MYO16: variants seen among roughly 807,000 people sequenced by gnomAD.
MYO16 encodes the protein unconventional myosin-XVI.
In MYO16, 94 loss-of-function variants were observed where a neutral mutation model predicts 205.3. That is an observed-to-expected ratio of 0.46 (90% CI 0.39 to 0.54). The LOEUF is 0.54. Among genes scored for constraint, MYO16 ranks in the 20% least tolerant of loss-of-function variants. The probability of loss-of-function intolerance (pLI) is 0.00; values close to 1 mark genes in which losing one functional copy is unlikely to be tolerated. For synonymous variants in MYO16, 988 were observed against 954.0 expected, an observed-to-expected ratio of 1.04 and a Z score of -0.66; for missense variants, 2,315 against 2,387.5, an observed-to-expected ratio of 0.97 and a Z score of 0.63.
the MYO16 span, among the ~76,000 whole-genome samples, chr13:108,587,057 G>A: frequency 6.6e-6 from 1 of 152,196 alleles, no homozygotes; most frequent in South Asian, 2.1e-4. Context: ...GGGTGCTGCA[G>A]CTGAGGAGAT....
intron 16 of MYO16, among the ~76,000 whole-genome samples, chr13:108,948,815 A>G (rs1235933632): frequency 6.6e-6 from 1 of 152,238 alleles, no homozygotes; most frequent in African/African-American, 2.4e-5. Flanking sequence ...CTCAGGTGAC[A>G]CAAGAAACTT....
chr13:108,727,812 C>T (rs1028297210), intron 4 of MYO16, among the ~76,000 whole-genome samples: 4 of 152,198 alleles, frequency 2.6e-5, no homozygotes, highest in African/African-American at 9.6e-5. Context: ...TCTTGCCTTT[C>T]CTTGGGAATT....
At chr13:108,818,833 A>G (rs912546210) in intron 7 of MYO16, among the ~76,000 whole-genome samples, 7 of 152,344 alleles carry the variant, frequency 4.6e-5, no homozygotes, top group Admixed American at 3.3e-4. Flanking sequence ...TTTAAAAAGC[A>G]TAATATAAAA....
Position 108,811,304 on chromosome 13 carries a change from G to A in MYO16, c.867+4500G>A, listed in dbSNP as rs367633239. Among the ~76,000 whole-genome samples, 32 of 152,012 alleles carry A rather than the reference G, an allele frequency of 2.1e-4. No homozygotes were observed. In the East Asian group the frequency reaches 4.3e-3, roughly 20 times the overall value. ...TGATTTATTTCTTCTTTGCTTTGGG[G>A]AAAACAGTCTGGTTATGCCCCTACC... On this transcript the variant is annotated intron_variant, in intron 7 of 34. Coordinates refer to ENST00000457511, the MANE Select transcript of MYO16 (RefSeq NM_001198950.3).
At chr13:108,779,807 C>T (rs751725573) in intron 4 of MYO16, 1 of 152,234 alleles carries the variant, frequency 6.6e-6, no homozygotes, top group Non-Finnish European at 1.5e-5. Flanking sequence ...CCCTCCAGGG[C>T]CCTCTACTGA....
intron 34 of MYO16, among the ~76,000 whole-genome samples, chr13:109,193,083 C>T (rs1383678788): frequency 6.6e-6 from 1 of 151,996 alleles, no homozygotes; most frequent in African/African-American, 2.4e-5. Flanking sequence ...GGTGCTCCAC[C>T]AAGCCACACT....
chr13:108,755,752 A>C lies in MYO16; in HGVS notation c.507+28169A>C, dbSNP rs534872702. On this transcript the variant is annotated intron_variant, in intron 4 of 34. Coordinates refer to ENST00000457511, the MANE Select transcript of MYO16 (RefSeq NM_001198950.3). ...TATGATTGCCAACATATTTTTACTT[A>C]AGTTACTATGTGAAGTGGTTTGTGG... Among the ~76,000 whole-genome samples the C allele has an allele frequency of 3.3e-5, 5 of 152,170 alleles. No individual in the cohort carries two copies. In the South Asian group the frequency reaches 1.0e-3, roughly 32 times the overall value.
rs59800289 is a variant in MYO16, at chr13:108,677,335, G to A, written c.292+11186G>A. ...TGCATGTGTGTGTGTGTGTGTGTGT[G>A]TATATATATATATATATATGCATAT... On this transcript the variant is annotated intron_variant, in intron 2 of 34. Transcript: ENST00000457511. Among the ~76,000 whole-genome samples the A allele has an allele frequency of 8.6e-3, 752 of 87,402 alleles. 6 individuals are homozygous for A. Among genetic ancestry groups the A allele is most frequent in the South Asian group, 0.056 (189 of 3,394 alleles). 57.3% of individuals were successfully genotyped at this position (87,402 alleles called of 152,430 possible). A position where few individuals can be genotyped will look rare whatever the true frequency, so the allele number is the denominator to read the frequency against.
At chr13:108,692,871 G>A (rs1448580113) in intron 2 of MYO16, among the ~76,000 whole-genome samples, 2 of 152,148 alleles carry the variant, frequency 1.3e-5, no homozygotes, top group African/African-American at 2.4e-5. Flanking sequence ...CCACACTGTG[G>A]ATGGGACTTG....
chr13:108,563,956 A>T, the MYO16 span, among the ~76,000 whole-genome samples: 2 of 152,104 alleles, frequency 1.3e-5, no homozygotes, highest in African/African-American at 2.4e-5. Flanking sequence ...TTACATTCCC[A>T]CCAACAGTGT....
chr13:109,168,578 A>G (rs910603062), intron 33 of MYO16, among the ~76,000 whole-genome samples: 3 of 152,202 alleles, frequency 2.0e-5, no homozygotes, highest in African/African-American at 7.2e-5. Context: ...TACAAAAATC[A>G]GCTGGGCTTG....
the MYO16 span, among the ~76,000 whole-genome samples, chr13:108,547,181 A>G: frequency 6.6e-6 from 1 of 151,368 alleles, no homozygotes; most frequent in Non-Finnish European, 1.5e-5. Context: ...CTGAGGCAGG[A>G]GCATGGCATG....
the MYO16 span, among the ~76,000 whole-genome samples, chr13:108,559,373 T>C: frequency 6.6e-6 from 1 of 152,084 alleles, no homozygotes; most frequent in East Asian, 1.9e-4. Context: ...TGCCAACACC[T>C]TGACTTGCAT....
intron 1 of MYO16, among the ~76,000 whole-genome samples, chr13:108,642,835 AC>A (rs893208332): frequency 6.6e-6 from 1 of 151,656 alleles, no homozygotes; most frequent in East Asian, 1.9e-4. Flanking sequence ...TACTAATCCT[AC>A]CCCCCCAAAT....
chr13:109,084,650 A>T (rs1351434404), intron 27 of MYO16, among the ~76,000 whole-genome samples: 1 of 151,644 alleles, frequency 6.6e-6, no homozygotes, highest in Non-Finnish European at 1.5e-5. Flanking sequence ...TAAACATTGT[A>T]TATTAATTAT....
At chr13:108,655,522 G>A (rs1881203604) in intron 1 of MYO16, among the ~76,000 whole-genome samples, 1 of 152,222 alleles carries the variant, frequency 6.6e-6, no homozygotes, top group Admixed American at 6.5e-5. Context: ...GAAGGGAAAT[G>A]TGGGGTCAGA....
At chr13:109,057,131 C>A (rs1284855759) in intron 27 of MYO16, among the ~76,000 whole-genome samples, 1 of 152,148 alleles carries the variant, frequency 6.6e-6, no homozygotes, top group Non-Finnish European at 1.5e-5. Context: ...TAAACGATGA[C>A]TAAAATTCTG....
Position 108,931,884 on chromosome 13 carries a change from A to G in MYO16, c.1925+21734A>G, listed in dbSNP as rs551877614. Among the ~76,000 whole-genome samples the G allele has an allele frequency of 1.1e-4, 17 of 152,326 alleles. No individual in the cohort carries two copies. The East Asian group carries it at 3.1e-3, about 28-fold the overall frequency. Reference sequence around the variant, plus strand: ...TTACCAGTTCGAAAAATTGTTGGCCATGATCCTTGTGAATGTTCCCCCTTC... The same window carrying G: ...TTACCAGTTCGAAAAATTGTTGGCCGTGATCCTTGTGAATGTTCCCCCTTC... On this transcript the variant is annotated intron_variant, in intron 16 of 34. Coordinates refer to ENST00000457511, the MANE Select transcript of MYO16 (RefSeq NM_001198950.3).
At chr13:109,088,558 T>A (rs959962651) in intron 27 of MYO16, among the ~76,000 whole-genome samples, 2 of 152,160 alleles carry the variant, frequency 1.3e-5, no homozygotes, top group African/African-American at 2.4e-5. Context: ...TTCTTTTTTT[T>A]TTATTATTCA....
Sources: allele counts gnomAD v4.1 joint callset (sites outside exome capture counted in the v4.1 genomes callset), GRCh38; gene constraint gnomAD v4.1.1; transcripts MANE v1.5; gene names NCBI Gene and HGNC (gene_info 2026-07-23, HGNC 2026-07-21).